Variants in SLN observed in about 807,000 individuals in gnomAD.
The protein encoded by SLN is sarcolipin.
For synonymous variants in SLN, 19 were observed against 14.4 expected, an observed-to-expected ratio of 1.32 and a Z score of -0.72; for missense variants, 34 against 37.4, an observed-to-expected ratio of 0.91 and a Z score of 0.24.
At chr11:107,711,167 C>T (rs1867206370) in intron 1 of SLN, among the ~76,000 whole-genome samples, 1 of 152,040 alleles carries the variant, frequency 6.6e-6, no homozygotes, top group Non-Finnish European at 1.5e-5. Context: ...TGTTTCTTGA[C>T]CTGGATGATA....
intron 1 of SLN, among the ~76,000 whole-genome samples, chr11:107,710,392 G>T (rs1867199527): frequency 6.6e-6 from 1 of 152,198 alleles, no homozygotes; most frequent in Non-Finnish European, 1.5e-5. Context: ...ACTATTGAAA[G>T]CTGTTCCACA....
intron 1 of SLN, among the ~76,000 whole-genome samples, chr11:107,708,611 GCCT>G (rs1056913556): frequency 8.5e-5 from 13 of 152,118 alleles, no homozygotes; most frequent in African/African-American, 3.1e-4. Flanking sequence ...TGATTTCTCT[GCCT>G]GATGTCATAA....
At chr11:107,710,528 TAAC>T (rs1166166904) in intron 1 of SLN, among the ~76,000 whole-genome samples, 2 of 152,194 alleles carry the variant, frequency 1.3e-5, no homozygotes, top group African/African-American at 4.8e-5. Flanking sequence ...TAATGACAGA[TAAC>T]AAGTTAGAGG....
intron 1 of SLN, among the ~76,000 whole-genome samples, chr11:107,709,837 G>C (rs1398096975): frequency 6.6e-6 from 1 of 152,156 alleles, no homozygotes; most frequent in African/African-American, 2.4e-5. Flanking sequence ...ATTACAAATG[G>C]CTGGGCGTGG....
chr11:107,707,727 C>A lies in SLN; in HGVS notation c.*108G>T. 1.3e-6 allele frequency: 1 copy of A among 791,154 alleles called. No homozygotes were observed. The allele number at this position is 791,154 out of a possible 1,614,324, so 49.0% of individuals were successfully genotyped here. On this transcript the variant is annotated 3_prime_UTR_variant, in exon 2 of 2. Coordinates refer to ENST00000305991, the MANE Select transcript of SLN (RefSeq NM_003063.3). The stretch of plus-strand genomic sequence containing the variant: ...ATTGTGAGTGCAGGTCACAGGTGCC[C>A]TCGGATGGAGAATGGCATCCTGTGA...
chr11:107,708,963 C>T lies in SLN; in HGVS notation c.-75-958G>A, dbSNP rs1867182871. ...GACAAGTCCTGCATTGGGCACATAG[C>T]CTACTGGGATCAACCAAAAGCCCCT... is the stretch of plus-strand genomic sequence containing the variant. On this transcript the variant is annotated intron_variant, in intron 1 of 1. Coordinates refer to ENST00000305991, the MANE Select transcript of SLN (RefSeq NM_003063.3). Among the ~76,000 whole-genome samples, 3 of 152,290 alleles carry T rather than the reference C, an allele frequency of 2.0e-5. 1 individual carries two copies. The South Asian group carries it at 6.2e-4, about 32-fold the overall frequency.
intron 1 of SLN, among the ~76,000 whole-genome samples, chr11:107,708,547 C>T (rs1217988974): frequency 6.6e-6 from 1 of 152,106 alleles, no homozygotes; most frequent in East Asian, 1.9e-4. Flanking sequence ...CAACACAACA[C>T]ATTCTATTAG....
At chr11:107,711,892 C>T (rs953238139) in intron 1 of SLN, 71 bp downstream of exon 1, 3 of 152,182 alleles carry the variant, frequency 2.0e-5, no homozygotes, top group African/African-American at 4.8e-5. Flanking sequence ...GCAAACATTC[C>T]TCTGCCTTTC....
At chr11:107,711,027 TA>T (rs1400528009) in intron 1 of SLN, among the ~76,000 whole-genome samples, 12 of 152,190 alleles carry the variant, frequency 7.9e-5, no homozygotes, top group Non-Finnish European at 1.5e-4. Flanking sequence ...ATAGGGAGGT[TA>T]ATCATATTGT....
chr11:107,710,259 G>A (rs649974), intron 1 of SLN, among the ~76,000 whole-genome samples: 91,667 of 152,064 alleles, frequency 0.6, 28,167 homozygotes, highest in East Asian at 0.84. Context: ...GCTTATAATG[G>A]TCAAAACAAT....
chr11:107,708,316 T>C (rs1384084865), intron 1 of SLN, among the ~76,000 whole-genome samples: 2 of 151,930 alleles, frequency 1.3e-5, no homozygotes, highest in Non-Finnish European at 2.9e-5. Context: ...GGGAAGACCA[T>C]GTGAAAACAC....
intron 1 of SLN, among the ~76,000 whole-genome samples, chr11:107,710,645 C>T (rs1034340511): frequency 6.6e-6 from 1 of 152,166 alleles, no homozygotes; most frequent in Admixed American, 6.5e-5. Context: ...ACAAAGTTAG[C>T]ATAAATTTTC....
chr11:107,707,879 T>C lies in SLN; in HGVS notation c.52A>G (p.Thr18Ala), dbSNP rs1867171840. ...ACAAGGAGCCACATAAGAATAACCG[T>C]AATCAAGACAATAGTGAAGTTGAGA... ...LFLNFTIVLI[T>A]VILMWLLVRS... Residue 18 changes from threonine (T) to alanine (A), a missense_variant, in exon 2 of 2, where the codon ACG becomes GCG. Coordinates refer to ENST00000305991, the MANE Select transcript of SLN (RefSeq NM_003063.3). The C allele has an allele frequency of 4.3e-6, 7 of 1,613,988 alleles. No homozygotes were observed. Among genetic ancestry groups the C allele is most frequent in the Non-Finnish European group, 5.9e-6 (7 of 1,179,966 alleles).
intron 1 of SLN, among the ~76,000 whole-genome samples, chr11:107,710,091 T>G (rs1301437405): frequency 6.6e-6 from 1 of 152,198 alleles, no homozygotes; most frequent in Non-Finnish European, 1.5e-5. Flanking sequence ...AACAGAACGG[T>G]AATGAGTCTT....
intron 1 of SLN, among the ~76,000 whole-genome samples, chr11:107,709,041 G>A (rs1016552911): frequency 6.6e-6 from 1 of 152,174 alleles, no homozygotes; most frequent in African/African-American, 2.4e-5. Flanking sequence ...TGGGTACTTC[G>A]GTTTCAACAA....
chr11:107,710,297 C>G (rs1178063007), intron 1 of SLN, among the ~76,000 whole-genome samples: 13 of 152,186 alleles, frequency 8.5e-5, no homozygotes, highest in African/African-American at 3.1e-4. Context: ...ACGGTCCCAC[C>G]AAATCTGCCT....
chr11:107,707,917 G>A lies in SLN; in HGVS notation c.14C>T (p.Thr5Ile). 1.9e-6 allele frequency: 3 copies of A among 1,613,780 alleles called. No individual in the cohort carries two copies. Among genetic ancestry groups the A allele is most frequent in the East Asian group, 2.2e-5 (1 of 44,860 alleles). The change falls in exon 2 of 2, where the codon ACC (threonine) becomes ATC (isoleucine). Residue 5 changes from threonine (T) to isoleucine (I), a missense_variant. Thr to Ile is a moderately conservative substitution (Grantham distance 89). Coordinates refer to ENST00000305991, the MANE Select transcript of SLN (RefSeq NM_003063.3). The stretch of plus-strand genomic sequence containing the variant: ...AGTGAAGTTGAGAAACAGCTCCCGG[G>A]TGTTTATCCCCATTTTCACAGCGGC... The part of the protein sequence containing the change: MGIN[T>I]RELFLNFTIV...
intron 1 of SLN, among the ~76,000 whole-genome samples, chr11:107,710,531 C>T (rs935670241): frequency 2.0e-5 from 3 of 152,108 alleles, no homozygotes; most frequent in Non-Finnish European, 2.9e-5. Context: ...TGACAGATAA[C>T]AAGTTAGAGG....
intron 1 of SLN, among the ~76,000 whole-genome samples, chr11:107,711,695 G>T (rs60597974): frequency 0.013 from 1,994 of 151,780 alleles, 33 homozygotes; most frequent in African/African-American, 0.044. Flanking sequence ...TTTGAATGGA[G>T]ACTTAGAGAA....
Sources: allele counts gnomAD v4.1 joint callset (sites outside exome capture counted in the v4.1 genomes callset), GRCh38; gene constraint gnomAD v4.1.1; transcripts MANE v1.5; gene names NCBI Gene and HGNC (gene_info 2026-07-23, HGNC 2026-07-21).